The following DOCK1 variants were observed in gnomAD, a reference collection of about 807,000 sequenced individuals.
The protein encoded by DOCK1 is dedicator of cytokinesis protein 1.
A neutral mutation model predicts 262.7 loss-of-function variants in DOCK1; 138 were observed. The ratio of observed to expected loss-of-function variants is 0.53; its 90% CI spans 0.46 to 0.61. The LOEUF is 0.61. Ranked by LOEUF, DOCK1 falls within the 20% of genes least tolerant of loss-of-function variation. The pLI is 0.00. For missense variants in DOCK1, 1,908 were observed against 2,370.7 expected, an observed-to-expected ratio of 0.80 and a Z score of 4.05; for synonymous variants, 866 against 867.4, an observed-to-expected ratio of 1.00 and a Z score of 0.03.
At chr10:127,411,939 C>T (rs569792614) in intron 43 of DOCK1, among the ~76,000 whole-genome samples, 1 of 152,236 alleles carries the variant, frequency 6.6e-6, no homozygotes, top group South Asian at 2.1e-4. Flanking sequence ...TCTTTAGAGC[C>T]TTTTTTCTTT....
In DOCK1 at chr10:127,070,250, C is replaced by CTTTTTTTTTT. The variant is rs71032535; in HGVS notation, c.2445+8486_2445+8495dup. On this transcript the variant is annotated intron_variant, in intron 23 of 51. Coordinates refer to ENST00000623213, the MANE Select transcript of DOCK1 (RefSeq NM_001290223.2). ...CAAGGGTTGGAACTTGAATTTAGCC[C>CTTTTTTTTTT]TTTTTTTTTTTTTTTTTTTTTGAGA... 9.7e-5 allele frequency among the ~76,000 whole-genome samples: 9 copies of CTTTTTTTTTT among 92,948 alleles called. 1 individual carries two copies. The highest frequency in any genetic ancestry group is 1.5e-4 in the Admixed American group (1 of 6,628). The allele number at this position is 92,948 out of a possible 152,430, so 61.0% of individuals were successfully genotyped here. A position where few individuals can be genotyped will look rare whatever the true frequency, so the allele number is the denominator to read the frequency against.
chr10:127,045,207 A>AG (rs1462770103), intron 21 of DOCK1, among the ~76,000 whole-genome samples: 1 of 128,718 alleles, frequency 7.8e-6, no homozygotes, highest in African/African-American at 2.8e-5. Context: ...CAATAAAAAA[A>AG]AAAAAAAAAA....
At chr10:127,268,578 T>C (rs942208212) in intron 29 of DOCK1, among the ~76,000 whole-genome samples, 2 of 143,968 alleles carry the variant, frequency 1.4e-5, no homozygotes, top group African/African-American at 5.8e-5. Context: ...TCTCTTCTCC[T>C]TGTTTCCCCA....
rs117508330 is a variant in DOCK1, at chr10:127,172,443, G to A, written c.2847+44679G>A. 9.8e-3 allele frequency among the ~76,000 whole-genome samples: 1,491 copies of A among 152,292 alleles called. 12 individuals are homozygous for A. Among genetic ancestry groups the A allele is most frequent in the Non-Finnish European group, 0.016 (1,104 of 68,030 alleles). On this transcript the variant is annotated intron_variant, in intron 27 of 51. Coordinates refer to ENST00000623213, the MANE Select transcript of DOCK1 (RefSeq NM_001290223.2). ...GTGCTGTACCCAGGGTCTGGGAAGG[G>A]ATGGAGAATGAGCTTGCATCTTATC...
rs1023672933 is a variant in DOCK1, at chr10:127,437,905, A to C, written c.5061-1122A>C. Among the ~76,000 whole-genome samples, 1 of 152,216 alleles carries C rather than the reference A, an allele frequency of 6.6e-6. No individual in the cohort carries two copies. Among genetic ancestry groups the C allele is most frequent in the Non-Finnish European group, 1.5e-5 (1 of 68,044 alleles). ...GGCTAAATTATCTTCTCTTGAAATCATGCTCCCCTTGAAGAAGCCAATTGC... is the reference window on the plus strand; with the variant it reads ...GGCTAAATTATCTTCTCTTGAAATCCTGCTCCCCTTGAAGAAGCCAATTGC... On this transcript the variant is annotated intron_variant, in intron 48 of 51. Coordinates refer to ENST00000623213, the MANE Select transcript of DOCK1 (RefSeq NM_001290223.2). The surrounding 1 kb of genome is among the most constrained non-coding windows in gnomAD (Gnocchi z 4.4).
At chr10:127,066,248 T>C (rs966002987) in intron 23 of DOCK1, among the ~76,000 whole-genome samples, 9 of 150,298 alleles carry the variant, frequency 6.0e-5, no homozygotes, top group Non-Finnish European at 1.5e-5. Context: ...CCAGTCAGCC[T>C]CGGAATTCCC....
chr10:127,043,024 A>G, intron 20 of DOCK1, 40 bp from the exon 21 acceptor site: 3 of 1,469,376 alleles, frequency 2.0e-6, no homozygotes, highest in Non-Finnish European at 1.9e-6. Context: ...AATGGCTTAC[A>G]TTATGTTGCT....
At chr10:127,058,443 T>C (rs928470776) in intron 22 of DOCK1, among the ~76,000 whole-genome samples, 10 of 152,194 alleles carry the variant, frequency 6.6e-5, no homozygotes, top group African/African-American at 2.2e-4. Context: ...CATATAGTTG[T>C]ATTTTTCTTT....
chr10:127,363,768 T>A (rs767106017), intron 33 of DOCK1, among the ~76,000 whole-genome samples: 12 of 152,206 alleles, frequency 7.9e-5, no homozygotes, highest in Non-Finnish European at 1.5e-4. Context: ...TTTTGCTGTT[T>A]CCTAGAACAG....
chr10:127,132,292 T>C (rs1022936510), intron 27 of DOCK1, among the ~76,000 whole-genome samples: 1 of 152,210 alleles, frequency 6.6e-6, no homozygotes, highest in African/African-American at 2.4e-5. Flanking sequence ...TAATGTGCTA[T>C]GATCCGAAGT....
intron 38 of DOCK1, among the ~76,000 whole-genome samples, chr10:127,399,275 A>G (rs1590893874): frequency 6.6e-6 from 1 of 152,320 alleles, no homozygotes; most frequent in East Asian, 1.9e-4. Context: ...GAGCCAAACC[A>G]GGGTGTTCAA....
At chr10:127,342,960 A>G (rs2063495824) in intron 30 of DOCK1, among the ~76,000 whole-genome samples, 1 of 152,142 alleles carries the variant, frequency 6.6e-6, no homozygotes, top group African/African-American at 2.4e-5. Context: ...AAAAGTTAAC[A>G]TTGGCCAGGC....
chr10:126,927,921 G>A (rs2033882574), intron 1 of DOCK1, among the ~76,000 whole-genome samples: 1 of 152,074 alleles, frequency 6.6e-6, no homozygotes, highest in African/African-American at 2.4e-5. Flanking sequence ...CGGCGGAGAG[G>A]TGAGTGGTCT....
At chr10:127,118,772 G>A (rs1397963080) in intron 25 of DOCK1, among the ~76,000 whole-genome samples, 8 of 152,176 alleles carry the variant, frequency 5.3e-5, no homozygotes, top group East Asian at 1.9e-4. Flanking sequence ...AGGTACTGTC[G>A]GGCAGCTTGG....
intron 1 of DOCK1, among the ~76,000 whole-genome samples, chr10:126,913,640 G>T (rs1314937701): frequency 6.6e-6 from 1 of 152,218 alleles, no homozygotes; most frequent in African/African-American, 2.4e-5. Flanking sequence ...CCACTCTGCA[G>T]TTATCCACAT....
intron 29 of DOCK1, among the ~76,000 whole-genome samples, chr10:127,322,153 G>C (rs976604958): frequency 2.0e-5 from 3 of 150,688 alleles, no homozygotes; most frequent in Non-Finnish European, 4.4e-5. Flanking sequence ...GATAGGCCAT[G>C]GCAGATTGGC....
chr10:127,244,297 A>G (rs2059361013), intron 27 of DOCK1, among the ~76,000 whole-genome samples: 1 of 152,178 alleles, frequency 6.6e-6, no homozygotes, highest in Admixed American at 6.5e-5. Flanking sequence ...ACAAAATATC[A>G]TATTATTTAC....
chr10:127,337,346 C>T (rs889177069), intron 29 of DOCK1, among the ~76,000 whole-genome samples: 1 of 152,160 alleles, frequency 6.6e-6, no homozygotes, highest in Non-Finnish European at 1.5e-5. Flanking sequence ...ACAGGACAGA[C>T]CCCATCCCAA....
At chr10:127,006,742 G>T (rs886940753) in intron 10 of DOCK1, among the ~76,000 whole-genome samples, 1 of 152,154 alleles carries the variant, frequency 6.6e-6, no homozygotes, top group Non-Finnish European at 1.5e-5. Flanking sequence ...CCTGCACATG[G>T]TCCTGTGTTC....
Sources: allele counts gnomAD v4.1 joint callset (sites outside exome capture counted in the v4.1 genomes callset), GRCh38; gene constraint gnomAD v4.1.1; non-coding constraint Gnocchi (gnomAD v3.1); transcripts MANE v1.5; gene names NCBI Gene and HGNC (gene_info 2026-07-23, HGNC 2026-07-21).